SND1: variants seen among roughly 807,000 people sequenced by gnomAD.
The protein encoded by SND1 is staphylococcal nuclease domain-containing protein 1.
In SND1, 38 loss-of-function variants were observed where a neutral mutation model predicts 121.7. The ratio of observed to expected loss-of-function variants is 0.31; its 90% CI spans 0.24 to 0.41. SND1 has a LOEUF of 0.41. Ranked by LOEUF, SND1 falls within the 10% of genes least tolerant of loss-of-function variation. The pLI is 1.00. For missense variants in SND1, 868 were observed against 1,184.6 expected (o/e 0.73, Z 3.92); for synonymous variants, 401 against 447.4 (o/e 0.90, Z 1.31).
At chr7:127,856,122 T>C (rs1294941597) in intron 12 of SND1, among the ~76,000 whole-genome samples, 1 of 152,258 alleles carries the variant, frequency 6.6e-6, no homozygotes, top group East Asian at 1.9e-4. Context: ...AGTACTTGCA[T>C]ACAGGTAGAA....
intron 10 of SND1, among the ~76,000 whole-genome samples, chr7:127,752,891 C>T (rs1797125404): frequency 6.6e-6 from 1 of 152,176 alleles, no homozygotes; most frequent in Non-Finnish European, 1.5e-5. Flanking sequence ...TGTTTACTGA[C>T]CCCTGGTATA....
chr7:128,017,684 C>T (rs540815224), intron 16 of SND1, among the ~76,000 whole-genome samples: 1 of 152,240 alleles, frequency 6.6e-6, no homozygotes, highest in Non-Finnish European at 1.5e-5. Flanking sequence ...AGCAGCACCA[C>T]TCGGGGAGGG....
intron 11 of SND1, among the ~76,000 whole-genome samples, chr7:127,808,695 A>G (rs1798283505): frequency 6.6e-6 from 1 of 152,250 alleles, no homozygotes. Flanking sequence ...GAATAGGTTC[A>G]TCTGTCATTG....
rs1350318834 is a variant in SND1, at chr7:127,679,812, ATATTT to A, written c.79-6797_79-6793del. ...TATATTCCAATTGTATGGATATACA[ATATTT>A]TATCACCAGTTACAGCTGTTGATGA... On this transcript the variant is annotated intron_variant, in intron 1 of 23. Transcript: ENST00000354725. 3.9e-5 allele frequency among the ~76,000 whole-genome samples: 6 copies of A among 152,336 alleles called. No individual in the cohort carries two copies. In the East Asian group the frequency reaches 7.7e-4, roughly 20 times the overall value.
chr7:127,775,681 A>G (rs1161437093), intron 10 of SND1, among the ~76,000 whole-genome samples: 1 of 151,888 alleles, frequency 6.6e-6, no homozygotes, highest in Non-Finnish European at 1.5e-5. Flanking sequence ...TTTTCCAAAC[A>G]TCTTGTTCTA....
intron 12 of SND1, among the ~76,000 whole-genome samples, chr7:127,879,269 G>T (rs1799747632): frequency 6.6e-6 from 1 of 152,066 alleles, no homozygotes; most frequent in African/African-American, 2.4e-5. Flanking sequence ...AAATGGTCAG[G>T]TTCCTGCTTG....
intron 16 of SND1, among the ~76,000 whole-genome samples, chr7:128,063,450 C>T (rs916310295): frequency 2.0e-5 from 3 of 152,138 alleles, no homozygotes; most frequent in Non-Finnish European, 4.4e-5. Context: ...GTGGCAGGGG[C>T]AGCTGAGGGA....
chr7:127,687,141 C>T (rs927080232), intron 2 of SND1: 2 of 163,742 alleles, frequency 1.2e-5, no homozygotes, highest in African/African-American at 4.8e-5. Context: ...TTACATTGTT[C>T]AGAATGCAGA....
Position 127,789,109 on chromosome 7 carries a change from T to C in SND1, c.1153-18375T>C, listed in dbSNP as rs142835468. 3.0e-4 allele frequency among the ~76,000 whole-genome samples: 46 copies of C among 152,370 alleles called. No individual in the cohort carries two copies. The East Asian group carries it at 8.7e-3, about 29-fold the overall frequency. On this transcript the variant is annotated intron_variant, in intron 10 of 23. Coordinates refer to ENST00000354725, the MANE Select transcript of SND1 (RefSeq NM_014390.4). ...GACTTCACACTTGCTTAGGCAAATA[T>C]GTGTGCAGGACTCTCTGCCTACTAT...
At chr7:128,057,050 A>G (rs1376310937) in intron 16 of SND1, among the ~76,000 whole-genome samples, 1 of 152,190 alleles carries the variant, frequency 6.6e-6, no homozygotes, top group Non-Finnish European at 1.5e-5. Flanking sequence ...TGTCCCAGGC[A>G]GGAGGGCAAG....
intron 11 of SND1, among the ~76,000 whole-genome samples, chr7:127,836,232 A>G (rs1798866681): frequency 1.3e-5 from 2 of 152,204 alleles, no homozygotes; most frequent in Non-Finnish European, 1.5e-5. Flanking sequence ...TCAAAAATGT[A>G]TCAAATAAGA....
chr7:128,022,227 AGAAG>A (rs1225360334), intron 16 of SND1, among the ~76,000 whole-genome samples: 2 of 146,994 alleles, frequency 1.4e-5, no homozygotes, highest in Non-Finnish European at 3.0e-5. Flanking sequence ...AAAAAAAAAA[AGAAG>A]GTAGGAGGGT....
intron 11 of SND1, among the ~76,000 whole-genome samples, chr7:127,838,313 C>G (rs111416526): frequency 0.023 from 3,455 of 152,296 alleles, 136 homozygotes; most frequent in African/African-American, 0.078. Context: ...GCTGAACATA[C>G]TGATGCACTG....
chr7:127,741,307 C>A (rs1035478740), intron 10 of SND1, among the ~76,000 whole-genome samples: 4 of 152,188 alleles, frequency 2.6e-5, no homozygotes, highest in African/African-American at 7.2e-5. Context: ...GAAGTAAAAT[C>A]TAAAATGACT....
intron 14 of SND1, among the ~76,000 whole-genome samples, chr7:127,919,723 C>T (rs1455406391): frequency 6.6e-6 from 1 of 152,212 alleles, no homozygotes; most frequent in Admixed American, 6.5e-5. Context: ...TATAAAAATT[C>T]ATTATCATTT....
At chr7:128,074,840 C>G in intron 17 of SND1, 150 bp downstream of exon 17, 1 of 766,176 alleles carries the variant, frequency 1.3e-6, no homozygotes, top group Middle Eastern at 3.3e-4. Flanking sequence ...CAAGGCCACA[C>G]ACAGGCGAGG....
At chr7:127,827,205 G>A (rs1237606011) in intron 11 of SND1, among the ~76,000 whole-genome samples, 1 of 151,994 alleles carries the variant, frequency 6.6e-6, no homozygotes, top group Non-Finnish European at 1.5e-5. Flanking sequence ...GATAACTGTG[G>A]CCCTTTTCAT....
chr7:127,786,425 A>G (rs1797814006), intron 10 of SND1, among the ~76,000 whole-genome samples: 1 of 152,162 alleles, frequency 6.6e-6, no homozygotes, highest in Non-Finnish European at 1.5e-5. Flanking sequence ...CTCCTTGTTA[A>G]CTATGTATTC....
intron 15 of SND1, among the ~76,000 whole-genome samples, chr7:127,976,743 T>C (rs755526354): frequency 6.6e-5 from 10 of 152,184 alleles, no homozygotes; most frequent in Non-Finnish European, 1.3e-4. Context: ...GGATTTGCTG[T>C]TCCTTTTTAT....
Sources: gnomAD v4.1 joint callset for allele counts (sites outside exome capture counted in the v4.1 genomes callset) on GRCh38, gnomAD v4.1.1 for gene constraint, MANE v1.5 for transcripts, NCBI Gene and HGNC (gene_info 2026-07-23, HGNC 2026-07-21) for gene names.